IL1RAPL1: variants seen among roughly 807,000 people sequenced by gnomAD.
IL1RAPL1 encodes interleukin 1 receptor accessory protein like 1.
In IL1RAPL1, 3 loss-of-function variants were observed where a neutral mutation model predicts 48.4. That is an observed-to-expected ratio of 0.06 (90% CI 0.03 to 0.16). IL1RAPL1 has a LOEUF of 0.16. Ranked by LOEUF, IL1RAPL1 falls within the 10% of genes least tolerant of loss-of-function variation. The probability of loss-of-function intolerance (pLI) is 1.00; values close to 1 mark genes in which losing one functional copy is unlikely to be tolerated. For missense variants in IL1RAPL1, 349 were observed against 530.6 expected (o/e 0.66, Z 3.36); for synonymous variants, 185 against 187.7 (o/e 0.99, Z 0.12).
At chrX:29,703,564 C>T (rs190862357) in intron 6 of IL1RAPL1, among the ~76,000 whole-genome samples, 3 of 111,349 alleles carry the variant, frequency 2.7e-5, no homozygotes, top group East Asian at 2.8e-4. Context: ...AGGATGGTCT[C>T]GATCTCCTGA....
At chrX:29,635,821 A>G (rs1418748019) in intron 5 of IL1RAPL1, among the ~76,000 whole-genome samples, 3 of 109,825 alleles carry the variant, frequency 2.7e-5, no homozygotes, top group Admixed American at 1.9e-4. Flanking sequence ...CAAAAACTAA[A>G]GATCTCTAAA....
At chrX:29,154,310 C>G (rs768829299) in intron 2 of IL1RAPL1, among the ~76,000 whole-genome samples, 1 of 111,290 alleles carries the variant, frequency 9.0e-6, no homozygotes, top group East Asian at 2.8e-4. Context: ...GAGGCCGAGG[C>G]GGGTGGATCA....
At chrX:28,635,141 C>G (rs746740668) in intron 1 of IL1RAPL1, among the ~76,000 whole-genome samples, 8 of 112,214 alleles carry the variant, frequency 7.1e-5, no homozygotes, top group Non-Finnish European at 1.5e-4. Context: ...CTCTTCATGT[C>G]AACCTGTAGG....
rs573280947 is a variant in IL1RAPL1 at position 29,490,525 on chromosome X, C to A, written c.703+91217C>A. On this transcript the variant is annotated intron_variant, in intron 5 of 10. Coordinates refer to ENST00000378993, the MANE Select transcript of IL1RAPL1 (RefSeq NM_014271.4). The stretch of plus-strand genomic sequence containing the variant: ...TCCAACCTGGGTGACAGAGGGAGAC[C>A]GTCTCAAAAACAAAAACAAAAAAAG... 6.3e-5 allele frequency among the ~76,000 whole-genome samples: 7 copies of A among 110,610 alleles called. No homozygotes were observed. The East Asian group carries it at 2.0e-3, about 31-fold the overall frequency.
At chrX:29,681,442 A>T (rs1490436165) in intron 6 of IL1RAPL1, among the ~76,000 whole-genome samples, 1 of 112,569 alleles carries the variant, frequency 8.9e-6, no homozygotes, top group Non-Finnish European at 1.9e-5. Flanking sequence ...ATCAGGCGAT[A>T]CAAAAATCAT....
intron 2 of IL1RAPL1, among the ~76,000 whole-genome samples, chrX:28,822,326 G>A (rs1936945544): frequency 9.0e-6 from 1 of 111,543 alleles, no homozygotes; most frequent in South Asian, 3.7e-4. Flanking sequence ...CACAAGCTAA[G>A]AAAAGTTTTT....
At chrX:29,882,599 G>A (rs1240708424) in intron 6 of IL1RAPL1, among the ~76,000 whole-genome samples, 1 of 111,359 alleles carries the variant, frequency 9.0e-6, no homozygotes, top group Non-Finnish European at 1.9e-5. Context: ...TAGTATAAAG[G>A]TGGACCTATA....
chrX:29,816,341 T>C, intron 6 of IL1RAPL1, among the ~76,000 whole-genome samples: 1 of 111,121 alleles, frequency 9.0e-6, no homozygotes. Flanking sequence ...CATAAATTCC[T>C]GGAAACACAC....
At chrX:29,630,634 G>C (rs1216271661) in intron 5 of IL1RAPL1, among the ~76,000 whole-genome samples, 1 of 109,548 alleles carries the variant, frequency 9.1e-6, no homozygotes, top group Non-Finnish European at 1.9e-5. Flanking sequence ...CACCTCCCGG[G>C]TTCACACCAT....
chrX:29,800,443 C>G (rs1051240854), intron 6 of IL1RAPL1, among the ~76,000 whole-genome samples: 17 of 109,527 alleles, frequency 1.6e-4, no homozygotes, highest in Non-Finnish European at 1.5e-4. Context: ...CAAAAGTTAC[C>G]CATTTTAAAA....
intron 5 of IL1RAPL1, among the ~76,000 whole-genome samples, chrX:29,420,788 ACTT>A (rs781359776): frequency 2.1e-4 from 24 of 112,523 alleles, no homozygotes; most frequent in African/African-American, 7.4e-4. Context: ...TTTATCACAA[ACTT>A]CTTAGTAATT....
chrX:29,208,739 TA>T (rs200568487), intron 2 of IL1RAPL1, among the ~76,000 whole-genome samples: 79 of 104,981 alleles, frequency 7.5e-4, no homozygotes, highest in African/African-American at 2.7e-3. Flanking sequence ...TAATAATAAA[TA>T]AATAAATAAA....
At chrX:28,885,820 A>C (rs1040319196) in intron 2 of IL1RAPL1, among the ~76,000 whole-genome samples, 2 of 111,362 alleles carry the variant, frequency 1.8e-5, no homozygotes, top group Non-Finnish European at 3.8e-5. Flanking sequence ...TTTGAACTAC[A>C]TGTCTTTCGG....
At position 29,841,545 on chromosome X, in the gene IL1RAPL1, C is replaced by T. The variant is rs12013655; in HGVS notation, c.779-75919C>T. 7.9e-3 allele frequency among the ~76,000 whole-genome samples: 876 copies of T among 111,429 alleles called. 4 individuals are homozygous for T. The highest frequency in any genetic ancestry group is 0.026 in the African/African-American group (806 of 30,691). Reference sequence around the variant, plus strand: ...TACCCTTGATGACAGTTAAACTGAACGAGCATTCATTGAGCAACTATTTAG... The same window carrying T: ...TACCCTTGATGACAGTTAAACTGAATGAGCATTCATTGAGCAACTATTTAG... On this transcript the variant is annotated intron_variant, in intron 6 of 10. Coordinates refer to ENST00000378993, the MANE Select transcript of IL1RAPL1 (RefSeq NM_014271.4).
At chrX:28,757,611 A>G (rs1464115646) in intron 1 of IL1RAPL1, among the ~76,000 whole-genome samples, 1 of 111,517 alleles carries the variant, frequency 9.0e-6, no homozygotes, top group Non-Finnish European at 1.9e-5. Flanking sequence ...GCAGGACACC[A>G]CAGTTAAAGG....
intron 5 of IL1RAPL1, among the ~76,000 whole-genome samples, chrX:29,462,490 G>T (rs1934814377): frequency 9.0e-6 from 1 of 111,407 alleles, no homozygotes; most frequent in Admixed American, 9.6e-5. Context: ...TATGGTCTGT[G>T]ACAGCATGAA....
chrX:29,734,775 C>T (rs1008763189), intron 6 of IL1RAPL1, among the ~76,000 whole-genome samples: 2 of 111,519 alleles, frequency 1.8e-5, no homozygotes, highest in African/African-American at 6.5e-5. Flanking sequence ...TCAGCACCAT[C>T]AAAATCTGGA....
intron 1 of IL1RAPL1, among the ~76,000 whole-genome samples, chrX:28,641,641 C>T (rs197010): frequency 0.4 from 44,055 of 110,246 alleles, 6,529 homozygotes; most frequent in South Asian, 0.55. Context: ...GAGGAATCGC[C>T]GCACTGTCTT....
intron 5 of IL1RAPL1, among the ~76,000 whole-genome samples, chrX:29,641,514 C>G (rs1925170968): frequency 8.9e-6 from 1 of 112,271 alleles, no homozygotes; most frequent in Non-Finnish European, 1.9e-5. Flanking sequence ...TCAGTAAGAT[C>G]TTTCCTCACC....
Sources: gnomAD v4.1 joint callset for allele counts (sites outside exome capture counted in the v4.1 genomes callset) on GRCh38, gnomAD v4.1.1 for gene constraint, MANE v1.5 for transcripts, NCBI Gene and HGNC (gene_info 2026-07-23, HGNC 2026-07-21) for gene names.